Variants in FER observed in about 807,000 individuals in gnomAD.
The protein encoded by FER is FER tyrosine kinase.
In FER, 63 loss-of-function variants were observed where a neutral mutation model predicts 111.0. The ratio of observed to expected loss-of-function variants is 0.57; its 90% confidence interval spans 0.46 to 0.70. The LOEUF is 0.70. Among genes scored for constraint, FER ranks in the 30% least tolerant of loss-of-function variants. The pLI, the probability that FER is intolerant of heterozygous loss-of-function variation, is 0.00. For missense variants in FER, 914 were observed against 954.0 expected, an observed-to-expected ratio of 0.96 and a Z score of 0.55; for synonymous variants, 327 against 313.9, an observed-to-expected ratio of 1.04 and a Z score of -0.44.
At chr5:109,029,353 C>G (rs897633430) in intron 13 of FER, among the ~76,000 whole-genome samples, 1 of 147,384 alleles carries the variant, frequency 6.8e-6, no homozygotes, top group East Asian at 2.0e-4. Context: ...CCCACTAACT[C>G]GTCATCTAGC....
chr5:109,001,806 G>A, intron 13 of FER, among the ~76,000 whole-genome samples: 1 of 151,994 alleles, frequency 6.6e-6, no homozygotes, highest in Non-Finnish European at 1.5e-5. Context: ...GAATATCAAT[G>A]TGCAAAAATC....
intron 2 of FER, among the ~76,000 whole-genome samples, chr5:108,787,752 G>A: frequency 6.6e-6 from 1 of 152,186 alleles, no homozygotes; most frequent in East Asian, 1.9e-4. Context: ...CAACCTGCCT[G>A]TGGAAAGGAG....
At chr5:108,932,025 AT>A (rs72274389) in intron 10 of FER, among the ~76,000 whole-genome samples, 20,542 of 148,264 alleles carry the variant, frequency 0.14, 1,434 homozygotes, top group Middle Eastern at 0.21. Context: ...ACTTGGTTAC[AT>A]TTTTTTTTTA....
chr5:108,810,749 C>T (rs148824636), intron 3 of FER, among the ~76,000 whole-genome samples: 75 of 151,802 alleles, frequency 4.9e-4, no homozygotes, highest in African/African-American at 1.7e-3. Flanking sequence ...AGCTGCAATA[C>T]GGTGTCTTCA....
chr5:108,884,815 C>A (rs1226454939), intron 9 of FER, among the ~76,000 whole-genome samples: 4 of 152,040 alleles, frequency 2.6e-5, no homozygotes, highest in Non-Finnish European at 1.5e-5. Flanking sequence ...TTTTCAAAGT[C>A]TGGCTTTTTG....
chr5:108,905,423 C>G (rs1448687888), intron 10 of FER, among the ~76,000 whole-genome samples: 1 of 151,696 alleles, frequency 6.6e-6, no homozygotes, highest in Admixed American at 6.6e-5. Flanking sequence ...TGAACTAGCC[C>G]TAGAAGGATA....
chr5:108,784,044 A>C (rs1210174585), intron 2 of FER: 1 of 153,034 alleles, frequency 6.5e-6, no homozygotes, highest in Non-Finnish European at 1.5e-5. Flanking sequence ...CTCTGGTTTC[A>C]TGCCTGTCTT....
intron 3 of FER, among the ~76,000 whole-genome samples, chr5:108,805,935 C>A (rs1383509901): frequency 6.6e-6 from 1 of 152,108 alleles, no homozygotes; most frequent in African/African-American, 2.4e-5. Context: ...GCATAAGTAA[C>A]AAGGAATTGA....
intron 13 of FER, among the ~76,000 whole-genome samples, chr5:108,977,909 G>A (rs772703304): frequency 2.6e-4 from 39 of 152,046 alleles, no homozygotes; most frequent in Non-Finnish European, 4.9e-4. Flanking sequence ...GCAGTGGTAC[G>A]ATCTTGGCTC....
intron 12 of FER, among the ~76,000 whole-genome samples, chr5:108,956,690 T>C (rs1021274172): frequency 5.3e-5 from 8 of 151,696 alleles, no homozygotes; most frequent in African/African-American, 1.9e-4. Context: ...TCAGGTTTTC[T>C]GCTGCCTAAT....
At chr5:109,094,928 C>T (rs1582003040) in intron 16 of FER, among the ~76,000 whole-genome samples, 1 of 152,172 alleles carries the variant, frequency 6.6e-6, no homozygotes, top group African/African-American at 2.4e-5. Flanking sequence ...TTGACTATGG[C>T]ATCTCTCCTC....
At chr5:108,867,655 TAA>T in intron 5 of FER, 110 bp from the exon 6 acceptor site, 1 of 1,111,468 alleles carries the variant, frequency 9.0e-7, no homozygotes, top group Non-Finnish European at 1.3e-6. Flanking sequence ...TTTTTTTGTT[TAA>T]AAAATGCGTG....
intron 8 of FER, among the ~76,000 whole-genome samples, chr5:108,873,469 C>T (rs1295771882): frequency 5.3e-5 from 8 of 152,094 alleles, no homozygotes; most frequent in Non-Finnish European, 1.2e-4. Context: ...TTAAAGCTGG[C>T]TAGATAGGAT....
intron 17 of FER, among the ~76,000 whole-genome samples, chr5:109,133,022 A>G (rs1379565521): frequency 6.6e-6 from 1 of 152,182 alleles, no homozygotes; most frequent in Non-Finnish European, 1.5e-5. Context: ...AATGATTCCT[A>G]ACATGTATAA....
chr5:109,102,379 G>C (rs1471760016), intron 17 of FER, among the ~76,000 whole-genome samples: 1 of 152,016 alleles, frequency 6.6e-6, no homozygotes, highest in Non-Finnish European at 1.5e-5. Flanking sequence ...TGACAAATAG[G>C]TTTCAACACT....
intron 9 of FER, among the ~76,000 whole-genome samples, chr5:108,889,290 CAAGAGTCCG>C (rs1747659242): frequency 6.6e-6 from 1 of 151,730 alleles, no homozygotes; most frequent in African/African-American, 2.4e-5. Context: ...TCACAATAGT[CAAGAGTCCG>C]AAGCAACCTA....
chr5:109,101,397 A>G lies in FER; in HGVS notation c.2048+878A>G, dbSNP rs142991718. On this transcript the variant is annotated intron_variant, in intron 17 of 19. Coordinates refer to ENST00000281092, the MANE Select transcript of FER (RefSeq NM_005246.4). ...TTTTCTCTGAGGGGAATCATTGTCC[A>G]GGCTTTGCTTTAACACTCTAGTGAG... 2.3e-4 allele frequency among the ~76,000 whole-genome samples: 35 copies of G among 152,066 alleles called. No homozygotes were observed. The East Asian group carries it at 6.0e-3, about 26-fold the overall frequency.
At chr5:108,837,945 T>A (rs1307057176) in intron 5 of FER, among the ~76,000 whole-genome samples, 2 of 152,194 alleles carry the variant, frequency 1.3e-5, no homozygotes, top group African/African-American at 2.4e-5. Context: ...AGTATTTTTC[T>A]GTTTTCAAGA....
rs1345164603 is a variant in FER at position 109,196,018 on chromosome 5, G to A, written c.*8443G>A. 1 of 152,124 alleles carries A rather than the reference G, an allele frequency of 6.6e-6. No homozygotes were observed. Among genetic ancestry groups the A allele is most frequent in the Non-Finnish European group, 1.5e-5 (1 of 68,036 alleles). The allele number at this position is 152,124 out of a possible 1,614,324, so 9.4% of individuals were successfully genotyped here. A position where few individuals can be genotyped will look rare whatever the true frequency, so the allele number is the denominator to read the frequency against. On this transcript the variant is annotated 3_prime_UTR_variant, in exon 20 of 20. Coordinates refer to ENST00000281092, the MANE Select transcript of FER (RefSeq NM_005246.4). ...GACTGGAACACTGTATAAAGTCATA[G>A]ACATAGAACCATATGGGAAAGCCCA...
Sources: gnomAD v4.1 joint callset for allele counts (sites outside exome capture counted in the v4.1 genomes callset) on GRCh38, gnomAD v4.1.1 for gene constraint, MANE v1.5 for transcripts, NCBI Gene and HGNC (gene_info 2026-07-23, HGNC 2026-07-21) for gene names.